MAD1L1: variants seen among roughly 807,000 people sequenced by gnomAD.
The protein encoded by MAD1L1 is mitotic arrest deficient 1 like 1.
A neutral mutation model predicts 96.9 loss-of-function variants in MAD1L1; 95 were observed. That is an observed-to-expected ratio of 0.98 (90% CI 0.83 to 1.16). MAD1L1 has a LOEUF of 1.16. MAD1L1 is among the 50% of genes most tolerant of loss of function. The pLI is 0.00. For synonymous variants in MAD1L1, 473 were observed against 396.6 expected, an observed-to-expected ratio of 1.19 and a Z score of -2.29; for missense variants, 1,007 against 954.4, an observed-to-expected ratio of 1.06 and a Z score of -0.73.
At chr7:2,057,294 G>A (rs1440705623) in intron 12 of MAD1L1, among the ~76,000 whole-genome samples, 1 of 152,228 alleles carries the variant, frequency 6.6e-6, no homozygotes, top group African/African-American at 2.4e-5. Context: ...GGGAAGCCAA[G>A]GTGGGCAGAT....
chr7:1,911,333 G>T (rs1449527169), intron 17 of MAD1L1, among the ~76,000 whole-genome samples: 1 of 152,112 alleles, frequency 6.6e-6, no homozygotes, highest in Non-Finnish European at 1.5e-5. Flanking sequence ...CAGGCCCCAG[G>T]GGTCTTTCTT....
chr7:2,105,549 A>C (rs541140102), intron 11 of MAD1L1, among the ~76,000 whole-genome samples: 91 of 152,218 alleles, frequency 6.0e-4, no homozygotes, highest in Admixed American at 1.2e-3. Flanking sequence ...GGCTGCTCCT[A>C]CACTGCCCTG....
At chr7:1,919,094 G>C (rs1190710798) in intron 17 of MAD1L1, among the ~76,000 whole-genome samples, 1 of 152,260 alleles carries the variant, frequency 6.6e-6, no homozygotes, top group South Asian at 2.1e-4. Context: ...AGTCCCAGGA[G>C]TCTGCAGAGA....
chr7:1,989,312 C>A (rs1483809774), intron 14 of MAD1L1, among the ~76,000 whole-genome samples: 1 of 152,256 alleles, frequency 6.6e-6, no homozygotes, highest in Non-Finnish European at 1.5e-5. Flanking sequence ...CAGGAGCGTT[C>A]ATTTGTGTCC....
At chr7:2,060,205 A>C (rs28505992) in intron 12 of MAD1L1, among the ~76,000 whole-genome samples, 10 of 142,360 alleles carry the variant, frequency 7.0e-5, no homozygotes, top group East Asian at 6.2e-4. Context: ...CAAGATACGC[A>C]GATGCCAAGT....
At chr7:1,989,906 T>A (rs779151363) in intron 14 of MAD1L1, among the ~76,000 whole-genome samples, 1 of 152,248 alleles carries the variant, frequency 6.6e-6, no homozygotes, top group Non-Finnish European at 1.5e-5. Flanking sequence ...CTAATGGTCC[T>A]TGTGGCAAAC....
At chr7:2,221,899 C>T (rs902589396) in intron 5 of MAD1L1, among the ~76,000 whole-genome samples, 4 of 152,082 alleles carry the variant, frequency 2.6e-5, no homozygotes, top group African/African-American at 7.2e-5. Context: ...TCGCTAGGGA[C>T]CTTATAACCC....
intron 10 of MAD1L1, among the ~76,000 whole-genome samples, chr7:2,196,114 G>A (rs1176562024): frequency 1.1e-4 from 16 of 152,208 alleles, no homozygotes; most frequent in Admixed American, 1.0e-3. Context: ...CGGCAACAGG[G>A]CCACAAATTC....
intron 18 of MAD1L1, among the ~76,000 whole-genome samples, chr7:1,870,989 C>CCACGCCGAACCCAA (rs1785050525): frequency 7.3e-6 from 1 of 137,036 alleles, no homozygotes; most frequent in Admixed American, 7.0e-5. Flanking sequence ...CATACGCCTG[C>CCACGCCGAACCCAA]CATGCCGAAC....
intron 11 of MAD1L1, among the ~76,000 whole-genome samples, chr7:2,091,268 T>C (rs73034410): frequency 0.027 from 4,108 of 152,146 alleles, 95 homozygotes; most frequent in South Asian, 0.089. Flanking sequence ...CCGAGAACAG[T>C]GCTTGGAAGC....
At chr7:2,082,175 G>A (rs115586449) in intron 11 of MAD1L1, among the ~76,000 whole-genome samples, 141 of 152,258 alleles carry the variant, frequency 9.3e-4, no homozygotes, top group African/African-American at 3.3e-3. Context: ...GAGGCAGGAG[G>A]GGGAGGGGAC....
rs547926174 is a variant in MAD1L1, at chr7:1,946,889, C to T, written c.1597-9992G>A. 1.3e-3 allele frequency among the ~76,000 whole-genome samples: 198 copies of T among 152,356 alleles called. 1 individual carries two copies. The highest frequency in any genetic ancestry group is 4.7e-3 in the African/African-American group (194 of 41,588). On this transcript the variant is annotated intron_variant, in intron 16 of 18. Coordinates refer to ENST00000265854, the MANE Select transcript of MAD1L1 (RefSeq NM_001013836.2). ...CCACACCTGTGCCTCCAGGAGGCCT[C>T]GGCCTCGACGGCCCGTTTCTCTCTG...
Position 1,968,239 on chromosome 7 carries a change from G to C in MAD1L1, c.1506-10520C>G, listed in dbSNP as rs766529974. Reference sequence around the variant, plus strand: ...TCCACCGTCGACGCCTCAGTCCGGCGGTCAGGTCCACCGTCAACACCAGCG... The same window carrying C: ...TCCACCGTCGACGCCTCAGTCCGGCCGTCAGGTCCACCGTCAACACCAGCG... On this transcript the variant is annotated intron_variant, in intron 15 of 18. Coordinates refer to ENST00000265854, the MANE Select transcript of MAD1L1 (RefSeq NM_001013836.2). The surrounding 1 kb of genome is among the most constrained non-coding windows in gnomAD (Gnocchi z 5.6). Among the ~76,000 whole-genome samples, 1 of 151,598 alleles carries C rather than the reference G, an allele frequency of 6.6e-6. No homozygotes were observed. The highest frequency in any genetic ancestry group is 1.5e-5 in the Non-Finnish European group (1 of 67,888).
intron 10 of MAD1L1, among the ~76,000 whole-genome samples, chr7:2,208,222 C>G (rs1488144468): frequency 6.6e-6 from 1 of 152,052 alleles, no homozygotes. Context: ...TGGCTCACTG[C>G]TAGTATACAG....
chr7:1,941,127 G>A (rs1778976899), intron 16 of MAD1L1, among the ~76,000 whole-genome samples: 1 of 151,920 alleles, frequency 6.6e-6, no homozygotes, highest in African/African-American at 2.4e-5. Context: ...CTCCTACTTA[G>A]CAGATAGGGG....
chr7:1,957,423 C>T, intron 16 of MAD1L1, among the ~76,000 whole-genome samples: 1 of 152,234 alleles, frequency 6.6e-6, no homozygotes, highest in East Asian at 1.9e-4. Flanking sequence ...GTGCGGGCCG[C>T]AGAGGACTCC....
chr7:2,055,603 G>C (rs182124146), intron 12 of MAD1L1, among the ~76,000 whole-genome samples: 2 of 150,528 alleles, frequency 1.3e-5, no homozygotes, highest in East Asian at 3.9e-4. Context: ...CTGCGATGTC[G>C]AGGCTGCAGT....
chr7:2,018,352 A>G (rs1473349962), intron 12 of MAD1L1, among the ~76,000 whole-genome samples: 2 of 152,210 alleles, frequency 1.3e-5, no homozygotes, highest in Non-Finnish European at 2.9e-5. Context: ...ACCCGCATAC[A>G]CAGGCGATGA....
intron 11 of MAD1L1, among the ~76,000 whole-genome samples, chr7:2,112,230 G>T (rs928892826): frequency 1.3e-5 from 2 of 152,152 alleles, no homozygotes; most frequent in Admixed American, 6.5e-5. Context: ...TGGTGGGGCC[G>T]CAAGTCAGCC....
Sources: allele counts gnomAD v4.1 joint callset (sites outside exome capture counted in the v4.1 genomes callset), GRCh38; gene constraint gnomAD v4.1.1; non-coding constraint Gnocchi (gnomAD v3.1); transcripts MANE v1.5; gene names NCBI Gene and HGNC (gene_info 2026-07-23, HGNC 2026-07-21).